Variants in SGMS1 observed in about 807,000 individuals in gnomAD.
SGMS1 encodes the protein phosphatidylcholine:ceramide cholinephosphotransferase 1.
A neutral mutation model predicts 46.2 loss-of-function variants in SGMS1; 13 were observed. The observed-to-expected ratio is 0.28, with a 90% CI of 0.18 to 0.45. SGMS1 has a LOEUF of 0.45. Among genes scored for constraint, SGMS1 ranks in the 20% least tolerant of loss-of-function variants. The pLI, the probability that SGMS1 is intolerant of heterozygous loss-of-function variation, is 1.00. For missense variants in SGMS1, 324 were observed against 519.9 expected (o/e 0.62, Z 3.66); for synonymous variants, 203 against 187.8 (o/e 1.08, Z -0.66).
chr10:50,483,116 A>G (rs113171113), intron 3 of SGMS1, among the ~76,000 whole-genome samples: 33,344 of 152,132 alleles, frequency 0.22, 3,674 homozygotes, highest in Admixed American at 0.26. Context: ...GTCTCGCTCT[A>G]TCGCCCAGGC....
At chr10:50,460,591 T>C (rs1837251894) in intron 5 of SGMS1, 82 bp downstream of exon 5, 1 of 152,228 alleles carries the variant, frequency 6.6e-6, no homozygotes, top group African/African-American at 2.4e-5. Flanking sequence ...CAAGAGCTCA[T>C]TCCCAGAGAA....
intron 3 of SGMS1, among the ~76,000 whole-genome samples, chr10:50,515,246 G>C (rs1160822710): frequency 6.6e-6 from 1 of 152,166 alleles, no homozygotes; most frequent in African/African-American, 2.4e-5. Context: ...TCATACATCA[G>C]AGCCTGGTCA....
intron 3 of SGMS1, among the ~76,000 whole-genome samples, chr10:50,512,172 A>G (rs1174659130): frequency 1.3e-5 from 2 of 152,196 alleles, no homozygotes; most frequent in Non-Finnish European, 2.9e-5. Context: ...GTAGCTGAAT[A>G]TGGCAACAGG....
At chr10:50,589,545 C>A (rs183177034) in intron 2 of SGMS1, among the ~76,000 whole-genome samples, 159 of 152,314 alleles carry the variant, frequency 1.0e-3, no homozygotes, top group Middle Eastern at 0.01. Context: ...TCACGGCTCA[C>A]TACAGCCTCG....
chr10:50,320,613 C>T (rs1239967829), intron 8 of SGMS1, among the ~76,000 whole-genome samples: 1 of 152,120 alleles, frequency 6.6e-6, no homozygotes, highest in Admixed American at 6.5e-5. Flanking sequence ...GGTGTCAAGG[C>T]CCTTTAAAAT....
intron 3 of SGMS1, among the ~76,000 whole-genome samples, chr10:50,469,963 TG>T (rs1837364336): frequency 6.6e-6 from 1 of 152,128 alleles, no homozygotes; most frequent in Non-Finnish European, 1.5e-5. Context: ...TCTTAGATTG[TG>T]GGGGGCAGTG....
At chr10:50,609,016 A>G (rs1476862150) in intron 1 of SGMS1, among the ~76,000 whole-genome samples, 4 of 152,056 alleles carry the variant, frequency 2.6e-5, no homozygotes, top group Non-Finnish European at 5.9e-5. Flanking sequence ...ACAGGGTCTC[A>G]CTCTGTCGCC....
At chr10:50,525,680 A>G (rs1233412144) in intron 2 of SGMS1, among the ~76,000 whole-genome samples, 1 of 152,244 alleles carries the variant, frequency 6.6e-6, no homozygotes, top group African/African-American at 2.4e-5. Context: ...TCCCAGAGAA[A>G]GTTTTGTCTA....
chr10:50,604,653 T>C (rs934210285), intron 1 of SGMS1, among the ~76,000 whole-genome samples: 4 of 152,214 alleles, frequency 2.6e-5, no homozygotes, highest in Admixed American at 2.6e-4. Context: ...GCCAAATGTA[T>C]AAATTATATG....
intron 2 of SGMS1, among the ~76,000 whole-genome samples, chr10:50,585,351 G>A (rs1018009809): frequency 6.6e-6 from 1 of 152,162 alleles, no homozygotes; most frequent in Non-Finnish European, 1.5e-5. Context: ...ATTACCACAT[G>A]TAAACAATTA....
At position 50,574,046 on chromosome 10, in the gene SGMS1, A is replaced by G. The variant is rs564456311; in HGVS notation, c.-589+16107T>C. On this transcript the variant is annotated intron_variant, in intron 2 of 10. Transcript: ENST00000361781. ...CTCAAAATGGATTAAGGATTTGTACATAAGATCTGAAACTATACAATTCTT... is the reference window on the plus strand; with the variant it reads ...CTCAAAATGGATTAAGGATTTGTACGTAAGATCTGAAACTATACAATTCTT... Among the ~76,000 whole-genome samples, 14 of 152,342 alleles carry G rather than the reference A, an allele frequency of 9.2e-5. No homozygotes were observed. The South Asian group carries it at 2.9e-3, about 32-fold the overall frequency.
At chr10:50,530,072 C>G (rs775208007) in intron 2 of SGMS1, among the ~76,000 whole-genome samples, 8 of 152,210 alleles carry the variant, frequency 5.3e-5, no homozygotes, top group Non-Finnish European at 1.2e-4. Context: ...ATCATCCCAT[C>G]TCCTGAAAAC....
intron 3 of SGMS1, among the ~76,000 whole-genome samples, chr10:50,508,554 G>T (rs2133768889): frequency 6.6e-6 from 1 of 152,306 alleles, no homozygotes; most frequent in South Asian, 2.1e-4. Flanking sequence ...TTTCTGATGG[G>T]ATTTCACTGT....
rs73330938 is a variant in SGMS1 at position 50,341,410 on chromosome 10, G to A, written c.623+2082C>T. On this transcript the variant is annotated intron_variant, in intron 7 of 10. Transcript: ENST00000361781. ...GGACGATGCTTAGGAAGATCATGACGACTCTGCTTTCATTTCCCACATCCC... is the reference window on the plus strand; with the variant it reads ...GGACGATGCTTAGGAAGATCATGACAACTCTGCTTTCATTTCCCACATCCC... 824 of 456,012 alleles carry A rather than the reference G, an allele frequency of 1.8e-3. 1 individual carries two copies. The highest frequency in any genetic ancestry group is 0.015 in the African/African-American group (756 of 50,162). The allele number at this position is 456,012 out of a possible 1,614,324, so 28.2% of individuals were successfully genotyped here.
At chr10:50,353,966 C>T (rs1848079476) in intron 6 of SGMS1, among the ~76,000 whole-genome samples, 1 of 152,162 alleles carries the variant, frequency 6.6e-6, no homozygotes, top group African/African-American at 2.4e-5. Context: ...GAAGAACATT[C>T]CATGCTCATG....
chr10:50,583,235 C>T (rs1009807018), intron 2 of SGMS1, among the ~76,000 whole-genome samples: 1 of 152,146 alleles, frequency 6.6e-6, no homozygotes, highest in Non-Finnish European at 1.5e-5. Context: ...CTTTATCCTG[C>T]CTCCCCAATA....
chr10:50,506,345 G>A (rs777811061), intron 3 of SGMS1, among the ~76,000 whole-genome samples: 45 of 152,162 alleles, frequency 3.0e-4, no homozygotes, highest in Non-Finnish European at 4.7e-4. Flanking sequence ...AAAAATAGCC[G>A]AGTTCAATAA....
chr10:50,457,574 C>A (rs1485925873), intron 5 of SGMS1, among the ~76,000 whole-genome samples: 1 of 152,120 alleles, frequency 6.6e-6, no homozygotes, highest in Non-Finnish European at 1.5e-5. Context: ...ATGCCTCCCC[C>A]ACCCTCTCTC....
intron 7 of SGMS1, among the ~76,000 whole-genome samples, chr10:50,338,020 G>A (rs571742745): frequency 1.3e-5 from 2 of 152,210 alleles, no homozygotes; most frequent in East Asian, 3.9e-4. Flanking sequence ...ATTCCTGCAG[G>A]ATTAACAAAA....
Sources: gnomAD v4.1 joint callset for allele counts (sites outside exome capture counted in the v4.1 genomes callset) on GRCh38, gnomAD v4.1.1 for gene constraint, MANE v1.5 for transcripts, NCBI Gene and HGNC (gene_info 2026-07-23, HGNC 2026-07-21) for gene names.